Variants in HDX observed in about 807,000 individuals in gnomAD.
The protein encoded by HDX is highly divergent homeobox, also known as chromosome X open reading frame 43.
In HDX, 19 loss-of-function variants were observed where a neutral mutation model predicts 45.2. The ratio of observed to expected loss-of-function variants is 0.42; its 90% CI spans 0.29 to 0.62. HDX has a LOEUF of 0.62. HDX is among the 20% of genes least tolerant of loss of function. The probability of loss-of-function intolerance (pLI) is 0.20; values close to 1 mark genes in which losing one functional copy is unlikely to be tolerated. For synonymous variants in HDX, 188 were observed against 172.8 expected (o/e 1.09, Z -0.69); for missense variants, 532 against 493.9 (o/e 1.08, Z -0.73).
At chrX:84,458,870 C>T (rs2040171143) in intron 4 of HDX, among the ~76,000 whole-genome samples, 1 of 111,288 alleles carries the variant, frequency 9.0e-6, no homozygotes, top group Non-Finnish European at 1.9e-5. Context: ...CTTCATTTTA[C>T]TGCAATGAAT....
intron 5 of HDX, among the ~76,000 whole-genome samples, chrX:84,385,196 CTTTTTTTTTTTTTTTTTTTTT>C (rs146043472): frequency 3.4e-5 from 1 of 29,528 alleles, no homozygotes; most frequent in Non-Finnish European, 5.3e-5. Flanking sequence ...TCTCTGATTT[CTTTTTTTTTTTTTTTTTTTTT>C]TTTTTTTTTT....
intron 1 of HDX, among the ~76,000 whole-genome samples, chrX:84,496,238 G>A (rs189548618): frequency 5.4e-5 from 6 of 111,688 alleles, no homozygotes; most frequent in South Asian, 3.7e-4. Flanking sequence ...TGCTTAGATC[G>A]CATATTTCTT....
chrX:84,456,538 C>A, intron 4 of HDX, among the ~76,000 whole-genome samples: 1 of 110,662 alleles, frequency 9.0e-6, no homozygotes, highest in Non-Finnish European at 1.9e-5. Flanking sequence ...TTATCAATAA[C>A]AATATTAAAT....
chrX:84,410,062 TAAAA>T lies in HDX; in HGVS notation c.1305+30466_1305+30469del, dbSNP rs1215257762. Reference sequence around the variant, plus strand: ...AGCAAGACTCTGTCTCAAAAAAGATTAAAAAAAAAAAAAAAAAAAAGAATCATAT... The same window carrying T: ...AGCAAGACTCTGTCTCAAAAAAGATTAAAAAAAAAAAAAAAAGAATCATAT... On this transcript the variant is annotated intron_variant, in intron 5 of 10. Transcript: ENST00000373177. Among the ~76,000 whole-genome samples, 323 of 74,568 alleles carry T rather than the reference TAAAA, an allele frequency of 4.3e-3. 1 individual carries two copies. The highest frequency in any genetic ancestry group is 0.015 in the East Asian group (34 of 2,301). 64.8% of individuals were successfully genotyped at this position (74,568 alleles called of 115,157 possible). A position where few individuals can be genotyped will look rare whatever the true frequency, so the allele number is the denominator to read the frequency against.
At chrX:84,476,734 T>TA (rs2040564054) in intron 2 of HDX, among the ~76,000 whole-genome samples, 1 of 111,408 alleles carries the variant, frequency 9.0e-6, no homozygotes, top group African/African-American at 3.3e-5. Context: ...CTGAATACTT[T>TA]AAAAAATAAA....
chrX:84,434,342 T>C (rs972845062), intron 5 of HDX, among the ~76,000 whole-genome samples: 2 of 111,539 alleles, frequency 1.8e-5, no homozygotes, highest in Non-Finnish European at 3.8e-5. Context: ...CTTTGTTGTG[T>C]TGAAGTATTT....
intron 4 of HDX, among the ~76,000 whole-genome samples, chrX:84,460,265 C>T (rs1319244600): frequency 9.0e-6 from 1 of 111,632 alleles, no homozygotes; most frequent in Non-Finnish European, 1.9e-5. Context: ...ACAAATATTC[C>T]TGATGAATAT....
At position 84,426,827 on chromosome X, in the gene HDX, T is replaced by G. The variant is rs763085592; in HGVS notation, c.1305+13705A>C. 5.4e-5 allele frequency among the ~76,000 whole-genome samples: 6 copies of G among 111,243 alleles called. No homozygotes were observed. In the South Asian group the frequency reaches 2.2e-3, roughly 42 times the overall value. ...TCCCCAAAATAACAAATAGTAACTATGTGAGGAGATAGATATGCTAATTGC... is the reference window on the plus strand; with the variant it reads ...TCCCCAAAATAACAAATAGTAACTAGGTGAGGAGATAGATATGCTAATTGC... On this transcript the variant is annotated intron_variant, in intron 5 of 10. Transcript: ENST00000373177.
At chrX:84,431,246 AC>A (rs1428487868) in intron 5 of HDX, among the ~76,000 whole-genome samples, 3 of 110,021 alleles carry the variant, frequency 2.7e-5, no homozygotes, top group Non-Finnish European at 5.7e-5. Flanking sequence ...AATTTAGTCA[AC>A]CATTGATGGG....
intron 4 of HDX, among the ~76,000 whole-genome samples, chrX:84,452,986 G>A (rs190918575): frequency 5.3e-4 from 59 of 112,165 alleles, no homozygotes; most frequent in African/African-American, 1.4e-3. Context: ...AAATTAAACA[G>A]CTTCCCCATA....
chrX:84,481,570 C>T (rs1329125010), intron 2 of HDX, among the ~76,000 whole-genome samples: 1 of 111,369 alleles, frequency 9.0e-6, no homozygotes, highest in East Asian at 2.8e-4. Flanking sequence ...TCGTTTTCTG[C>T]CTTCTGTCAA....
intron 5 of HDX, among the ~76,000 whole-genome samples, chrX:84,382,210 G>C (rs1169367654): frequency 9.0e-6 from 1 of 111,458 alleles, no homozygotes; most frequent in African/African-American, 3.3e-5. Context: ...TTCTGGCGAG[G>C]ATGTGGAAAA....
intron 4 of HDX, among the ~76,000 whole-genome samples, chrX:84,449,067 G>T (rs1034071954): frequency 9.3e-6 from 1 of 107,690 alleles, no homozygotes; most frequent in African/African-American, 3.4e-5. Flanking sequence ...GCAGAAGAAC[G>T]AATTTCAGAA....
chrX:84,479,590 C>T (rs752401714), intron 2 of HDX, among the ~76,000 whole-genome samples: 3 of 111,599 alleles, frequency 2.7e-5, no homozygotes, highest in South Asian at 3.7e-4. Flanking sequence ...ATTTCTGGGT[C>T]GTATGGTAAG....
At chrX:84,446,229 A>G (rs1317417676) in intron 4 of HDX, among the ~76,000 whole-genome samples, 2 of 112,225 alleles carry the variant, frequency 1.8e-5, no homozygotes, top group East Asian at 5.6e-4. Context: ...TTGTAAATAA[A>G]ATATTATATT....
chrX:84,474,374 G>A (rs12556027), intron 3 of HDX, among the ~76,000 whole-genome samples: 1 of 112,234 alleles, frequency 8.9e-6, no homozygotes, highest in Non-Finnish European at 1.9e-5. Context: ...ATTTGAAGGC[G>A]AATAAATCTT....
At chrX:84,464,129 T>C (rs2040295812) in intron 4 of HDX, among the ~76,000 whole-genome samples, 1 of 110,767 alleles carries the variant, frequency 9.0e-6, no homozygotes, top group Non-Finnish European at 1.9e-5. Flanking sequence ...AGCAAGAATG[T>C]TGACAAAATG....
At chrX:84,484,332 T>G (rs1257080102) in intron 2 of HDX, among the ~76,000 whole-genome samples, 3 of 111,893 alleles carry the variant, frequency 2.7e-5, no homozygotes, top group Non-Finnish European at 5.6e-5. Flanking sequence ...TCCACATGGC[T>G]GGGGAGGCCT....
At chrX:84,426,717 A>G (rs1424449983) in intron 5 of HDX, among the ~76,000 whole-genome samples, 1 of 110,575 alleles carries the variant, frequency 9.0e-6, no homozygotes, top group African/African-American at 3.3e-5. Context: ...AAATATAGAG[A>G]TCTAATGTAT....
Sources: allele counts gnomAD v4.1 joint callset (sites outside exome capture counted in the v4.1 genomes callset), GRCh38; gene constraint gnomAD v4.1.1; transcripts MANE v1.5; gene names NCBI Gene and HGNC (gene_info 2026-07-23, HGNC 2026-07-21).